Variants in MPZL1 observed in about 807,000 individuals in gnomAD.
MPZL1 encodes myelin protein zero-like protein 1.
In MPZL1, 16 loss-of-function variants were observed where a neutral mutation model predicts 29.3. That is an observed-to-expected ratio of 0.55 (90% CI 0.37 to 0.83). The LOEUF is 0.83. Ranked by LOEUF, MPZL1 falls within the 40% of genes least tolerant of loss-of-function variation. The pLI, the probability that MPZL1 is intolerant of heterozygous loss-of-function variation, is 0.00. For synonymous variants in MPZL1, 143 were observed against 132.0 expected (o/e 1.08, Z -0.57); for missense variants, 279 against 332.9 (o/e 0.84, Z 1.26).
At chr1:167,761,234 T>C (rs1427752510) in intron 1 of MPZL1, among the ~76,000 whole-genome samples, 1 of 152,194 alleles carries the variant, frequency 6.6e-6, no homozygotes, top group Non-Finnish European at 1.5e-5. Flanking sequence ...TGCAGGGAGA[T>C]GCAGGGTCAA....
At chr1:167,773,475 T>G (rs1345153581) in intron 4 of MPZL1, 107 bp downstream of exon 4, 22 of 1,318,692 alleles carry the variant, frequency 1.7e-5, no homozygotes, top group Admixed American at 2.9e-5. Flanking sequence ...ACTACTATTT[T>G]CTTTCATGTC....
rs1558120628 is a variant in MPZL1, at chr1:167,765,621, A to G, written c.130A>G (p.Lys44Glu). 6.2e-7 allele frequency: 1 copy of G among 1,613,158 alleles called. No homozygotes were observed. The highest frequency in any genetic ancestry group is 8.5e-7 in the Non-Finnish European group (1 of 1,179,552). Residue 44 changes from lysine to glutamate, a missense_variant, in exon 2 of 6, where the codon AAA becomes GAA. Transcript: ENST00000359523. ...ATCAGCCTTGGAAGTATATACGCCAAAAGAAATCTTCGTGGCAAATGGTAC... is the reference window on the plus strand; with the variant it reads ...ATCAGCCTTGGAAGTATATACGCCAGAAGAAATCTTCGTGGCAAATGGTAC... The part of the protein sequence containing the change: ...GVSALEVYTP[K>E]EIFVANGTQG...
intron 2 of MPZL1, 124 bp downstream of exon 2, chr1:167,765,873 C>CCTG: frequency 1.2e-6 from 1 of 819,076 alleles, no homozygotes. Context: ...CTGTTATAGA[C>CCTG]TTCAAGGCCC....
At chr1:167,739,807 T>G (rs986045930) in intron 1 of MPZL1, among the ~76,000 whole-genome samples, 2 of 152,180 alleles carry the variant, frequency 1.3e-5, no homozygotes, top group Admixed American at 6.5e-5. Flanking sequence ...TCCTTACCCC[T>G]CTTATCTGCT....
Position 167,722,084 on chromosome 1 carries a change from A to T in MPZL1, c.-68A>T. 1 of 1,231,134 alleles carries T rather than the reference A, an allele frequency of 8.1e-7. No homozygotes were observed. The highest frequency in any genetic ancestry group is 1.0e-6 in the Non-Finnish European group (1 of 987,174). The allele number at this position is 1,231,134 out of a possible 1,614,324, so 76.3% of individuals were successfully genotyped here. A position where few individuals can be genotyped will look rare whatever the true frequency, so the allele number is the denominator to read the frequency against. On this transcript the variant is annotated 5_prime_UTR_variant, in exon 1 of 6. Transcript: ENST00000359523. ...GATCAGAAGCCTCTTCCCCAAGCCG[A>T]GCCAACCTCAGCGGGGACCCGGGCT...
chr1:167,789,352 T>C lies in MPZL1; in HGVS notation c.*1431T>C, dbSNP rs1661659524. The C allele has an allele frequency of 6.6e-6, 1 of 152,178 alleles. No individual in the cohort carries two copies. The highest frequency in any genetic ancestry group is 6.5e-5 in the Admixed American group (1 of 15,278). The allele number at this position is 152,178 out of a possible 1,614,324, so 9.4% of individuals were successfully genotyped here. A position where few individuals can be genotyped will look rare whatever the true frequency, so the allele number is the denominator to read the frequency against. On this transcript the variant is annotated 3_prime_UTR_variant, in exon 6 of 6. Coordinates refer to ENST00000359523, the MANE Select transcript of MPZL1 (RefSeq NM_003953.6). ...CACAGTTATGGAAAGAATTACTGTC[T>C]AGATGGTCTGCAGAACGTGTTTGGG...
At chr1:167,722,771 A>G (rs1341461067) in intron 1 of MPZL1, among the ~76,000 whole-genome samples, 1 of 152,166 alleles carries the variant, frequency 6.6e-6, no homozygotes, top group Non-Finnish European at 1.5e-5. Flanking sequence ...TTCAGTTTTA[A>G]GTCTCCGTAA....
In MPZL1 at chr1:167,739,262, C is replaced by T. The variant is rs1050541221; in HGVS notation, c.91+17020C>T. On this transcript the variant is annotated intron_variant, in intron 1 of 5. Coordinates refer to ENST00000359523, the MANE Select transcript of MPZL1 (RefSeq NM_003953.6). ...CCAGCCAAAGGGACTAATACATACA[C>T]ATACATATATACATATATACATATA... Among the ~76,000 whole-genome samples the T allele has an allele frequency of 1.1e-4, 13 of 120,274 alleles. No homozygotes were observed. In the East Asian group the frequency reaches 1.1e-3, roughly 10 times the overall value. The allele number at this position is 120,274 out of a possible 152,430, so 78.9% of individuals were successfully genotyped here. A position where few individuals can be genotyped will look rare whatever the true frequency, so the allele number is the denominator to read the frequency against.
intron 1 of MPZL1, among the ~76,000 whole-genome samples, chr1:167,740,255 C>T (rs953341227): frequency 5.3e-5 from 8 of 152,142 alleles, no homozygotes; most frequent in South Asian, 2.1e-4. Flanking sequence ...ATTTCTGGGC[C>T]GTAACTCTTA....
intron 1 of MPZL1, among the ~76,000 whole-genome samples, chr1:167,741,476 C>T (rs528829699): frequency 5.9e-4 from 90 of 151,856 alleles, no homozygotes; most frequent in African/African-American, 2.1e-3. Context: ...CAGGCACACG[C>T]CACCACGCCT....
intron 1 of MPZL1, among the ~76,000 whole-genome samples, chr1:167,749,746 G>C (rs1360781452): frequency 6.6e-6 from 1 of 151,948 alleles, no homozygotes; most frequent in African/African-American, 2.4e-5. Context: ...CCTTTTTTGG[G>C]CTAGAGTATT....
At chr1:167,757,900 A>G (rs983629584) in intron 1 of MPZL1, among the ~76,000 whole-genome samples, 3 of 152,232 alleles carry the variant, frequency 2.0e-5, no homozygotes, top group Non-Finnish European at 2.9e-5. Flanking sequence ...CTTTAGTCCC[A>G]GCACTTTGGG....
At chr1:167,768,642 T>G (rs1307582818) in intron 2 of MPZL1, among the ~76,000 whole-genome samples, 2 of 152,238 alleles carry the variant, frequency 1.3e-5, no homozygotes, top group Admixed American at 1.3e-4. Context: ...CTCTCACTGG[T>G]TTGACCAAGA....
At chr1:167,754,606 A>G (rs1431357469) in intron 1 of MPZL1, among the ~76,000 whole-genome samples, 2 of 152,232 alleles carry the variant, frequency 1.3e-5, no homozygotes, top group African/African-American at 2.4e-5. Flanking sequence ...TGCACTAATA[A>G]TGTATTTTAC....
chr1:167,742,872 A>T (rs199817457), intron 1 of MPZL1, among the ~76,000 whole-genome samples: 2 of 152,128 alleles, frequency 1.3e-5, no homozygotes, highest in East Asian at 3.9e-4. Context: ...TTATCCCAGC[A>T]CCAGTTGTTG....
intron 5 of MPZL1, 42 bp downstream of exon 5, chr1:167,776,208 C>A: frequency 7.0e-7 from 1 of 1,432,430 alleles, no homozygotes; most frequent in Non-Finnish European, 9.8e-7. Context: ...CTGTTCCCTA[C>A]AGCTTGGTGC....
chr1:167,765,740 T>C lies in MPZL1; in HGVS notation c.249T>C (p.Thr83=), dbSNP rs771296800. ...SWSFQPEGAD[T]TVSFFHYSQG... is the part of the protein sequence containing the mutation. ...GCTTCCAGCCAGAGGGGGCCGACACTACTGTGTCGGTAAGAATGCTTGACT... is the reference window on the plus strand; with the variant it reads ...GCTTCCAGCCAGAGGGGGCCGACACCACTGTGTCGGTAAGAATGCTTGACT... Residue 83 remains threonine, a synonymous_variant, in exon 2 of 6, where the codon ACT becomes ACC. Coordinates refer to ENST00000359523, the MANE Select transcript of MPZL1 (RefSeq NM_003953.6). 1 of 1,606,838 alleles carries C rather than the reference T, an allele frequency of 6.2e-7. No individual in the cohort carries two copies. The highest frequency in any genetic ancestry group is 8.5e-7 in the Non-Finnish European group (1 of 1,176,964).
chr1:167,749,885 G>T (rs1660721188), intron 1 of MPZL1, among the ~76,000 whole-genome samples: 1 of 152,226 alleles, frequency 6.6e-6, no homozygotes, highest in Admixed American at 6.5e-5. Context: ...GGCCTGATCT[G>T]CATGGAGTAG....
intron 1 of MPZL1, among the ~76,000 whole-genome samples, chr1:167,754,681 G>A (rs1232233882): frequency 6.6e-6 from 1 of 152,104 alleles, no homozygotes; most frequent in African/African-American, 2.4e-5. Flanking sequence ...TCTGCTTCAG[G>A]CATGGTCTTA....
Sources: gnomAD v4.1 joint callset for allele counts (sites outside exome capture counted in the v4.1 genomes callset) on GRCh38, gnomAD v4.1.1 for gene constraint, MANE v1.5 for transcripts, NCBI Gene and HGNC (gene_info 2026-07-23, HGNC 2026-07-21) for gene names.